Variants in SUPT3H observed in about 807,000 individuals in gnomAD.
The protein encoded by SUPT3H is SPT3 homolog, SAGA and STAGA complex component, also known as transcription initiation protein SPT3 homolog.
Under a neutral mutation model 44.3 loss-of-function variants are expected in SUPT3H, and 44 were observed. The ratio of observed to expected loss-of-function variants is 0.99; its 90% CI spans 0.78 to 1.28. The LOEUF is 1.28. Ranked by LOEUF, SUPT3H falls within the 50% of genes most tolerant of loss-of-function variation. The pLI is 0.00. For synonymous variants in SUPT3H, 124 were observed against 125.6 expected (o/e 0.99, Z 0.09); for missense variants, 380 against 387.1 (o/e 0.98, Z 0.15).
chr6:45,208,333 C>T (rs533458084), intron 2 of SUPT3H, among the ~76,000 whole-genome samples: 2 of 152,240 alleles, frequency 1.3e-5, no homozygotes, highest in South Asian at 2.1e-4. Flanking sequence ...ATCTCCATAA[C>T]ATAAAAGTGC....
At chr6:45,015,453 G>A (rs1784104474) in intron 4 of SUPT3H, among the ~76,000 whole-genome samples, 1 of 152,086 alleles carries the variant, frequency 6.6e-6, no homozygotes, top group Non-Finnish European at 1.5e-5. Context: ...TTGAGTCCAT[G>A]AATGAGTGGC....
chr6:45,103,885 A>C (rs1798924487), intron 3 of SUPT3H, among the ~76,000 whole-genome samples: 1 of 152,328 alleles, frequency 6.6e-6, no homozygotes, highest in Admixed American at 6.5e-5. Flanking sequence ...AATAACAGTT[A>C]ACTTGTAACA....
chr6:45,369,272 C>T lies in SUPT3H; in HGVS notation c.1-3971G>A, dbSNP rs188742040. Among the ~76,000 whole-genome samples, 19 of 152,210 alleles carry T rather than the reference C, an allele frequency of 1.2e-4. No individual in the cohort carries two copies. In the East Asian group the frequency reaches 3.3e-3, roughly 26 times the overall value. Reference sequence around the variant, plus strand: ...ACCTTTACCCCTACAGTTCTCTCTACTTGCAATACCTTTTGAAACAATACA... The same window carrying T: ...ACCTTTACCCCTACAGTTCTCTCTATTTGCAATACCTTTTGAAACAATACA... On this transcript the variant is annotated intron_variant, in intron 1 of 10. Transcript: ENST00000371459.
chr6:45,191,219 A>G (rs562901883), intron 2 of SUPT3H, among the ~76,000 whole-genome samples: 2 of 152,112 alleles, frequency 1.3e-5, no homozygotes, highest in African/African-American at 2.4e-5. Flanking sequence ...ATATAATGAA[A>G]AATTATGCAA....
rs540991748 is a variant in SUPT3H, at chr6:45,368,835, A to G, written c.1-3534T>C. 8.5e-5 allele frequency among the ~76,000 whole-genome samples: 13 copies of G among 152,282 alleles called. No individual in the cohort carries two copies. The South Asian group carries it at 2.7e-3, about 32-fold the overall frequency. ...TTAATAGAAAACTTTTATAATTAGA[A>G]CATTTTTATTTTCATAAAATTCCAA... On this transcript the variant is annotated intron_variant, in intron 1 of 10. Coordinates refer to ENST00000371459, the MANE Select transcript of SUPT3H (RefSeq NM_003599.4).
At chr6:44,948,202 A>T (rs150833587) in intron 9 of SUPT3H, among the ~76,000 whole-genome samples, 1 of 152,250 alleles carries the variant, frequency 6.6e-6, no homozygotes, top group Non-Finnish European at 1.5e-5. Context: ...GGTTACTGAA[A>T]CTAGATCCCT....
intron 10 of SUPT3H, among the ~76,000 whole-genome samples, chr6:44,918,434 A>G (rs1209733142): frequency 2.6e-5 from 4 of 152,218 alleles, no homozygotes; most frequent in African/African-American, 9.6e-5. Context: ...TGGACTTGGC[A>G]CAGTGTTTCA....
intron 6 of SUPT3H, among the ~76,000 whole-genome samples, chr6:44,981,905 A>G (rs1269041204): frequency 6.7e-6 from 1 of 149,962 alleles, no homozygotes; most frequent in Non-Finnish European, 1.5e-5. Context: ...GCTAGGGACC[A>G]TGGTGCGTGC....
chr6:45,368,891 C>T (rs958942339), intron 1 of SUPT3H, among the ~76,000 whole-genome samples: 1 of 151,922 alleles, frequency 6.6e-6, no homozygotes, highest in African/African-American at 2.4e-5. Flanking sequence ...TAAGCCAACA[C>T]TATTATGCAC....
chr6:45,319,221 T>C (rs1185192871), intron 2 of SUPT3H, among the ~76,000 whole-genome samples: 1 of 152,148 alleles, frequency 6.6e-6, no homozygotes, highest in Non-Finnish European at 1.5e-5. Flanking sequence ...TAAATAGGTG[T>C]CTTATAATTA....
chr6:44,854,972 C>T (rs1281683446), intron 10 of SUPT3H, among the ~76,000 whole-genome samples: 1 of 152,108 alleles, frequency 6.6e-6, no homozygotes, highest in Non-Finnish European at 1.5e-5. Flanking sequence ...AGAGGAAGCA[C>T]AAAATGTGTC....
At chr6:44,886,244 T>C (rs936853305) in intron 10 of SUPT3H, among the ~76,000 whole-genome samples, 28 of 151,956 alleles carry the variant, frequency 1.8e-4, no homozygotes, top group African/African-American at 6.5e-4. Context: ...AGGCCAACGT[T>C]CAGATTCAGG....
At chr6:44,966,087 G>T (rs1776735469) in intron 6 of SUPT3H, among the ~76,000 whole-genome samples, 1 of 152,074 alleles carries the variant, frequency 6.6e-6, no homozygotes. Flanking sequence ...AAAAAATCAA[G>T]ACAGTGGTCA....
At chr6:45,349,597 T>C (rs748224685) in intron 2 of SUPT3H, among the ~76,000 whole-genome samples, 25 of 152,212 alleles carry the variant, frequency 1.6e-4, no homozygotes, top group Non-Finnish European at 3.2e-4. Context: ...GTGATTCTAA[T>C]GCACACTAAG....
intron 9 of SUPT3H, among the ~76,000 whole-genome samples, chr6:44,952,877 T>C (rs75879090): frequency 1.3e-5 from 2 of 152,200 alleles, no homozygotes; most frequent in Non-Finnish European, 2.9e-5. Context: ...CTTTAAATCA[T>C]TTTTAGAGAT....
At chr6:44,910,085 C>T (rs115990231) in intron 10 of SUPT3H, among the ~76,000 whole-genome samples, 1 of 152,306 alleles carries the variant, frequency 6.6e-6, no homozygotes, top group African/African-American at 2.4e-5. Flanking sequence ...ACTTCCCTTG[C>T]TCCAGTTGGG....
chr6:45,107,052 A>G (rs200803816), intron 2 of SUPT3H, among the ~76,000 whole-genome samples: 1 of 152,210 alleles, frequency 6.6e-6, no homozygotes, highest in East Asian at 1.9e-4. Flanking sequence ...ATTATATAGA[A>G]GCAGATTTTC....
At chr6:45,325,167 G>T (rs1435497914) in intron 2 of SUPT3H, among the ~76,000 whole-genome samples, 1 of 151,810 alleles carries the variant, frequency 6.6e-6, no homozygotes, top group Non-Finnish European at 1.5e-5. Flanking sequence ...GACTTCTAAA[G>T]TTTAAAAATT....
intron 3 of SUPT3H, among the ~76,000 whole-genome samples, chr6:45,096,210 C>T (rs534788007): frequency 6.6e-6 from 1 of 152,164 alleles, no homozygotes; most frequent in East Asian, 1.9e-4. Context: ...TATAAAATCA[C>T]CAATATTCAA....
Sources: gnomAD v4.1 joint callset for allele counts (sites outside exome capture counted in the v4.1 genomes callset) on GRCh38, gnomAD v4.1.1 for gene constraint, MANE v1.5 for transcripts, NCBI Gene and HGNC (gene_info 2026-07-23, HGNC 2026-07-21) for gene names.